SGCZ: variants seen among roughly 807,000 people sequenced by gnomAD.
SGCZ encodes zeta-sarcoglycan.
A neutral mutation model predicts 41.3 loss-of-function variants in SGCZ; 40 were observed. The ratio of observed to expected loss-of-function variants is 0.97; its 90% CI spans 0.75 to 1.26. The LOEUF is 1.26. Among genes scored for constraint, SGCZ ranks in the 50% most tolerant of loss-of-function variants. SGCZ has a pLI of 0.00. For synonymous variants in SGCZ, 206 were observed against 137.5 expected, an observed-to-expected ratio of 1.50 and a Z score of -3.49; for missense variants, 552 against 369.8, an observed-to-expected ratio of 1.49 and a Z score of -4.04.
intron 1 of SGCZ, among the ~76,000 whole-genome samples, chr8:15,076,931 T>A (rs1805554743): frequency 6.6e-6 from 1 of 152,176 alleles, no homozygotes; most frequent in African/African-American, 2.4e-5. Context: ...ATATGCTTCA[T>A]GTCAATTGAT....
chr8:14,763,358 C>A (rs28367223), intron 1 of SGCZ, among the ~76,000 whole-genome samples: 33,444 of 151,946 alleles, frequency 0.22, 5,126 homozygotes, highest in African/African-American at 0.44. Context: ...CTGAAACAAG[C>A]CACAGAGTCC....
intron 3 of SGCZ, among the ~76,000 whole-genome samples, chr8:14,264,188 G>A (rs1427023): frequency 0.99 from 151,380 of 152,342 alleles, 75,219 homozygotes; most frequent in East Asian, 1. Flanking sequence ...ACCTAGCATT[G>A]CAGTAGCCAT....
chr8:14,963,200 G>C (rs971156216), intron 1 of SGCZ, among the ~76,000 whole-genome samples: 1 of 152,114 alleles, frequency 6.6e-6, no homozygotes, highest in South Asian at 2.1e-4. Flanking sequence ...ACCATATATG[G>C]CATACACCAG....
chr8:15,230,237 A>C (rs891684999), intron 1 of SGCZ, among the ~76,000 whole-genome samples: 6 of 152,076 alleles, frequency 3.9e-5, no homozygotes, highest in African/African-American at 1.2e-4. Flanking sequence ...AACAAGATTA[A>C]ATACTATGAT....
chr8:15,209,614 T>A (rs1801177153), intron 1 of SGCZ, among the ~76,000 whole-genome samples: 1 of 152,066 alleles, frequency 6.6e-6, no homozygotes, highest in Non-Finnish European at 1.5e-5. Context: ...TAAATCACAA[T>A]TCTGTAAGTG....
At chr8:14,495,631 T>C (rs538788363) in intron 2 of SGCZ, among the ~76,000 whole-genome samples, 3 of 152,246 alleles carry the variant, frequency 2.0e-5, no homozygotes, top group East Asian at 1.9e-4. Flanking sequence ...AAGCACAAGA[T>C]ACAAAATAGA....
chr8:14,283,033 T>C (rs1342640823), intron 3 of SGCZ, among the ~76,000 whole-genome samples: 1 of 150,930 alleles, frequency 6.6e-6, no homozygotes, highest in Non-Finnish European at 1.5e-5. Flanking sequence ...GTATTTTTAG[T>C]AGAGACGGGG....
chr8:14,765,226 G>A (rs1585241392), intron 1 of SGCZ, among the ~76,000 whole-genome samples: 1 of 152,040 alleles, frequency 6.6e-6, no homozygotes, highest in South Asian at 2.1e-4. Context: ...ATTTAATGGA[G>A]CAATAACCAT....
intron 1 of SGCZ, among the ~76,000 whole-genome samples, chr8:15,166,770 T>G (rs560188123): frequency 5.0e-4 from 76 of 152,330 alleles, no homozygotes; most frequent in African/African-American, 1.8e-3. Flanking sequence ...ACAATTGTTG[T>G]CTTGTTTTAA....
At chr8:15,044,436 T>C (rs985595734) in intron 1 of SGCZ, among the ~76,000 whole-genome samples, 4 of 152,202 alleles carry the variant, frequency 2.6e-5, no homozygotes, top group African/African-American at 9.6e-5. Context: ...AGTCTGCCTT[T>C]GCCTTTTGGT....
chr8:14,461,141 G>A (rs1237342643), intron 2 of SGCZ, among the ~76,000 whole-genome samples: 1 of 152,052 alleles, frequency 6.6e-6, no homozygotes, highest in Non-Finnish European at 1.5e-5. Flanking sequence ...CAGGGCTGCT[G>A]TCTGTAGGAT....
At chr8:14,836,956 T>C (rs1802721508) in intron 1 of SGCZ, among the ~76,000 whole-genome samples, 1 of 152,230 alleles carries the variant, frequency 6.6e-6, no homozygotes, top group South Asian at 2.1e-4. Context: ...TATCATTCTG[T>C]ATTTTCTGAG....
chr8:14,501,924 T>A (rs1802167358), intron 2 of SGCZ, among the ~76,000 whole-genome samples: 1 of 152,126 alleles, frequency 6.6e-6, no homozygotes, highest in Non-Finnish European at 1.5e-5. Flanking sequence ...ACTTTATATG[T>A]TGAATAAAAA....
chr8:14,956,263 C>A (rs944549718), intron 1 of SGCZ, among the ~76,000 whole-genome samples: 2 of 151,954 alleles, frequency 1.3e-5, no homozygotes, highest in African/African-American at 4.8e-5. Context: ...TGGTCTTGAT[C>A]TCTTGACCTC....
intron 1 of SGCZ, among the ~76,000 whole-genome samples, chr8:14,869,670 A>C (rs985118596): frequency 2.6e-5 from 4 of 152,136 alleles, no homozygotes; most frequent in African/African-American, 9.6e-5. Context: ...CAGATGACAT[A>C]AATGTATATT....
intron 1 of SGCZ, among the ~76,000 whole-genome samples, chr8:14,767,283 AC>A (rs1324680596): frequency 6.6e-6 from 1 of 152,160 alleles, no homozygotes; most frequent in Non-Finnish European, 1.5e-5. Flanking sequence ...AGAGTAGGTG[AC>A]TGAATCACAG....
intron 1 of SGCZ, among the ~76,000 whole-genome samples, chr8:14,904,675 A>T (rs1049682384): frequency 6.6e-6 from 1 of 151,982 alleles, no homozygotes; most frequent in African/African-American, 2.4e-5. Flanking sequence ...CCTCAATAAG[A>T]TTCATACACA....
At chr8:14,354,302 A>C (rs1803211977) in intron 2 of SGCZ, among the ~76,000 whole-genome samples, 1 of 151,956 alleles carries the variant, frequency 6.6e-6, no homozygotes, top group Admixed American at 6.6e-5. Context: ...ATCTGAAATT[A>C]ATGTTATTAG....
At chr8:14,177,056 TAG>T (rs1450745715) in intron 4 of SGCZ, among the ~76,000 whole-genome samples, 4 of 152,084 alleles carry the variant, frequency 2.6e-5, no homozygotes, top group African/African-American at 9.7e-5. Context: ...ACAAGGATCG[TAG>T]AGAGTAAGCG....
Sources: gnomAD v4.1 joint callset for allele counts (sites outside exome capture counted in the v4.1 genomes callset) on GRCh38, gnomAD v4.1.1 for gene constraint, MANE v1.5 for transcripts, NCBI Gene and HGNC (gene_info 2026-07-23, HGNC 2026-07-21) for gene names.